The following CTNNA3 variants were observed in gnomAD, a reference collection of about 807,000 sequenced individuals.
CTNNA3 encodes the protein catenin alpha 3.
A neutral mutation model predicts 95.7 loss-of-function variants in CTNNA3; 76 were observed. That is an observed-to-expected ratio of 0.79 (90% confidence interval 0.66 to 0.96). The LOEUF is 0.96. Among genes scored for constraint, CTNNA3 ranks in the 40% least tolerant of loss-of-function variants. CTNNA3 has a pLI of 0.00. For synonymous variants in CTNNA3, 431 were observed against 374.4 expected (o/e 1.15, Z -1.74); for missense variants, 1,191 against 1,089.8 (o/e 1.09, Z -1.31).
chr10:66,380,235 GCTGA>G (rs2092826720), intron 11 of CTNNA3, among the ~76,000 whole-genome samples: 1 of 151,776 alleles, frequency 6.6e-6, no homozygotes, highest in Non-Finnish European at 1.5e-5. Context: ...GTGTATATGT[GCTGA>G]CTATGTGTGT....
At chr10:66,209,267 G>GA (rs1229347197) in intron 13 of CTNNA3, among the ~76,000 whole-genome samples, 1 of 152,028 alleles carries the variant, frequency 6.6e-6, no homozygotes, top group Non-Finnish European at 1.5e-5. Context: ...TACATCAGTG[G>GA]AAAAAAGACA....
chr10:66,117,743 T>C (rs551634976), intron 13 of CTNNA3, among the ~76,000 whole-genome samples: 1 of 152,370 alleles, frequency 6.6e-6, no homozygotes, highest in South Asian at 2.1e-4. Flanking sequence ...GCAAGTTTCA[T>C]TTAAGTCAAT....
intron 17 of CTNNA3, among the ~76,000 whole-genome samples, chr10:65,947,072 A>G (rs1196810847): frequency 6.9e-6 from 1 of 145,648 alleles, no homozygotes; most frequent in Non-Finnish European, 1.5e-5. Context: ...AGTTAATGAC[A>G]GCCTAAGTCT....
In CTNNA3 at chr10:66,393,766, T is replaced by C. The variant is rs147855492; in HGVS notation, c.1532-14414A>G. Among the ~76,000 whole-genome samples, 239 of 152,136 alleles carry C rather than the reference T, an allele frequency of 1.6e-3. 1 individual carries two copies. Among genetic ancestry groups the C allele is most frequent in the African/African-American group, 5.6e-3 (233 of 41,534 alleles). On this transcript the variant is annotated intron_variant, in intron 11 of 17. Transcript: ENST00000433211. ...GATTTTGTTTAATTCTCATAATAAT[T>C]CCAAGAGATAGATCTGTTACATTTC...
Position 67,327,443 on chromosome 10 carries a change from G to C in CTNNA3, c.580-107573C>G, listed in dbSNP as rs79887411. On this transcript the variant is annotated intron_variant, in intron 5 of 17. Coordinates refer to ENST00000433211, the MANE Select transcript of CTNNA3 (RefSeq NM_013266.4). ...TTGATGACCTTGAAGTTTGATTGTG[G>C]TATAAAGTGAATTCAGCTAACTGCC... Among the ~76,000 whole-genome samples, 2,857 of 152,202 alleles carry C rather than the reference G, an allele frequency of 0.019. 234 individuals carry two copies. The East Asian group carries it at 0.26, about 14-fold the overall frequency.
intron 13 of CTNNA3, among the ~76,000 whole-genome samples, chr10:66,197,575 A>G (rs906779976): frequency 6.6e-6 from 1 of 152,234 alleles, no homozygotes; most frequent in Non-Finnish European, 1.5e-5. Context: ...CTATTAATGT[A>G]TAAAATGTTC....
intron 11 of CTNNA3, among the ~76,000 whole-genome samples, chr10:66,379,719 C>G (rs1169699973): frequency 2.0e-5 from 3 of 151,910 alleles, no homozygotes; most frequent in Non-Finnish European, 2.9e-5. Flanking sequence ...TGAATGAAAG[C>G]AATATTATAC....
chr10:67,131,146 C>A (rs1859982351), intron 7 of CTNNA3, among the ~76,000 whole-genome samples: 1 of 152,054 alleles, frequency 6.6e-6, no homozygotes, highest in Admixed American at 6.6e-5. Context: ...ACTATGCTCT[C>A]CCATGTCTCC....
intron 9 of CTNNA3, among the ~76,000 whole-genome samples, chr10:66,677,671 A>G (rs1846909210): frequency 6.6e-6 from 1 of 152,092 alleles, no homozygotes; most frequent in Non-Finnish European, 1.5e-5. Flanking sequence ...ACCTGCTGCC[A>G]TGTAAGATGT....
intron 15 of CTNNA3, among the ~76,000 whole-genome samples, chr10:66,033,239 T>C (rs914803254): frequency 6.6e-6 from 1 of 151,438 alleles, no homozygotes; most frequent in Non-Finnish European, 1.5e-5. Context: ...CACGCCATTC[T>C]CCTGCCTCAG....
At chr10:66,613,765 A>C (rs1844411988) in intron 10 of CTNNA3, among the ~76,000 whole-genome samples, 2 of 152,078 alleles carry the variant, frequency 1.3e-5, no homozygotes, top group Non-Finnish European at 2.9e-5. Flanking sequence ...CATTCCCTGA[A>C]GTGAAAAGAA....
intron 15 of CTNNA3, among the ~76,000 whole-genome samples, chr10:66,053,548 T>C (rs1224352258): frequency 6.6e-6 from 1 of 152,022 alleles, no homozygotes. Context: ...TTATTGACTA[T>C]AGTCACCCTA....
chr10:66,811,143 G>C (rs1275508625), intron 7 of CTNNA3, among the ~76,000 whole-genome samples: 1 of 152,122 alleles, frequency 6.6e-6, no homozygotes, highest in Non-Finnish European at 1.5e-5. Context: ...TAGTATACTT[G>C]CACTAAAATC....
chr10:66,236,337 A>G (rs1162409530), intron 13 of CTNNA3, among the ~76,000 whole-genome samples: 4 of 152,236 alleles, frequency 2.6e-5, no homozygotes, highest in Admixed American at 2.0e-4. Context: ...TAGCAAGCAT[A>G]CAAATTCTCA....
intron 13 of CTNNA3, among the ~76,000 whole-genome samples, chr10:66,246,470 T>C (rs901695257): frequency 6.6e-6 from 1 of 151,972 alleles, no homozygotes; most frequent in African/African-American, 2.4e-5. Flanking sequence ...AGCTGCTCCA[T>C]GGAGAATGCA....
At chr10:65,930,233 C>T (rs1379128633) in intron 17 of CTNNA3, among the ~76,000 whole-genome samples, 2 of 125,624 alleles carry the variant, frequency 1.6e-5, no homozygotes, top group Admixed American at 1.6e-4. Flanking sequence ...AAAACAGAAA[C>T]TACTGTAGGT....
intron 7 of CTNNA3, among the ~76,000 whole-genome samples, chr10:67,016,152 A>C (rs904711029): frequency 2.0e-5 from 3 of 152,078 alleles, no homozygotes; most frequent in Admixed American, 2.0e-4. Flanking sequence ...AGAAAATGGT[A>C]GTTTTATGCA....
intron 16 of CTNNA3, among the ~76,000 whole-genome samples, chr10:65,970,006 T>G (rs2078060849): frequency 6.6e-6 from 1 of 151,892 alleles, no homozygotes; most frequent in African/African-American, 2.4e-5. Flanking sequence ...AGAAAAAATC[T>G]CAAAGGCAGC....
chr10:67,202,734 A>T (rs541110602), intron 6 of CTNNA3, among the ~76,000 whole-genome samples: 3 of 152,226 alleles, frequency 2.0e-5, no homozygotes, highest in South Asian at 2.1e-4. Flanking sequence ...CTAGACAGAA[A>T]GTTTGCACCA....
Sources: gnomAD v4.1 joint callset for allele counts (sites outside exome capture counted in the v4.1 genomes callset) on GRCh38, gnomAD v4.1.1 for gene constraint, MANE v1.5 for transcripts, NCBI Gene and HGNC (gene_info 2026-07-23, HGNC 2026-07-21) for gene names.